The following ANAPC1 variants were observed in gnomAD, a reference collection of about 807,000 sequenced individuals.
The protein encoded by ANAPC1 is anaphase promoting complex subunit 1.
ANAPC1 carries 36 observed loss-of-function variants against 208.0 expected under a neutral mutation model. That is an observed-to-expected ratio of 0.17 (90% CI 0.13 to 0.23). The LOEUF (loss-of-function observed/expected upper bound fraction) is 0.23. ANAPC1 is among the 10% of genes least tolerant of loss of function. The pLI is 1.00. For synonymous variants in ANAPC1, 378 were observed against 695.2 expected (o/e 0.54, Z 7.18); for missense variants, 942 against 2,011.6 (o/e 0.47, Z 10.17).
chr2:111,782,392 T>C lies in ANAPC1; in HGVS notation c.5179A>G (p.Asn1727Asp). Residue 1727 changes from asparagine to aspartate, a missense_variant, in exon 43 of 48, where the codon AAC (asparagine) becomes GAC (aspartate). Physicochemically the swap from Asn to Asp is conservative, Grantham distance 23 (BLOSUM62 1). Transcript: ENST00000341068. ...SLLAQTVANR[N>D]SEARAFKPET... is the part of the protein sequence containing the mutation. ...ACCTTGAAAGCCCGGGCTTCAGAGT[T>C]CCTGTTAGCAACAGTCTGAGCCAAC... 1 of 1,613,132 alleles carries C rather than the reference T, an allele frequency of 6.2e-7. No individual in the cohort carries two copies. Among genetic ancestry groups the C allele is most frequent in the Non-Finnish European group, 8.5e-7 (1 of 1,179,458 alleles).
chr2:111,783,385 G>A (rs1291976692), intron 42 of ANAPC1, among the ~76,000 whole-genome samples: 1 of 152,124 alleles, frequency 6.6e-6, no homozygotes, highest in African/African-American at 2.4e-5. Flanking sequence ...CACGAGATCT[G>A]ATGGTTTAAA....
At position 111,825,806 on chromosome 2, in the gene ANAPC1, G is replaced by C. The variant is rs754625369; in HGVS notation, c.2675C>G (p.Ser892Cys). Residue 892 changes from serine (S) to cysteine (C), a missense_variant, in exon 22 of 48, where the codon TCC (serine) becomes TGC (cysteine). By Grantham distance (112) the Ser-to-Cys change is moderately radical (BLOSUM62 -1). Coordinates refer to ENST00000341068, the MANE Select transcript of ANAPC1 (RefSeq NM_022662.4). ...LGDESLVSDE[S>C]SQYLTRITIA... ...AGTTATTCTGGTTAAATACTGTGAG[G>C]ATTCATCAGAAACCAAGCTCTCATC... 1.2e-6 allele frequency: 2 copies of C among 1,613,664 alleles called. No homozygotes were observed. The highest frequency in any genetic ancestry group is 1.7e-6 in the Non-Finnish European group (2 of 1,179,678).
At chr2:111,833,154 A>T in intron 20 of ANAPC1, 66 bp downstream of exon 20, 1 of 1,521,608 alleles carries the variant, frequency 6.6e-7, no homozygotes, top group Non-Finnish European at 8.9e-7. Flanking sequence ...TCTGCTATTC[A>T]ATGAGAAAGA....
chr2:111,766,309 A>G (rs571210517), downstream of ANAPC1: 5 of 152,526 alleles, frequency 3.3e-5, no homozygotes, highest in African/African-American at 1.2e-4. Flanking sequence ...AGAAGCAACC[A>G]ATCTATTTCA....
intron 39 of ANAPC1, among the ~76,000 whole-genome samples, chr2:111,786,693 G>A (rs1677573062): frequency 1.1e-5 from 1 of 91,474 alleles, no homozygotes; most frequent in Non-Finnish European, 2.2e-5. Context: ...GTGAGACTCT[G>A]TCTCAAAAAA....
intron 25 of ANAPC1, chr2:111,821,842 A>C (rs1010392939): frequency 3.8e-6 from 1 of 262,968 alleles, no homozygotes; most frequent in African/African-American, 2.2e-5. Flanking sequence ...GAAAAAAAAA[A>C]CAGACTTGAT....
At chr2:111,839,443 T>C (rs1573435841) in intron 17 of ANAPC1, among the ~76,000 whole-genome samples, 1 of 152,328 alleles carries the variant, frequency 6.6e-6, no homozygotes, top group East Asian at 1.9e-4. Flanking sequence ...CACATGGGCA[T>C]TGACCATCAA....
intron 15 of ANAPC1, 114 bp from the exon 16 acceptor site, chr2:111,847,312 A>T: frequency 1.5e-6 from 1 of 659,158 alleles, no homozygotes; most frequent in Admixed American, 3.5e-5. Context: ...TAAATGAAAA[A>T]CAATTTTCAA....
At chr2:111,866,276 T>A in intron 7 of ANAPC1, 1 of 378,658 alleles carries the variant, frequency 2.6e-6, no homozygotes, top group Admixed American at 2.9e-5. Flanking sequence ...GTGAAGCGAG[T>A]GTCTTCAATG....
At position 111,803,976 on chromosome 2, in the gene ANAPC1, A is replaced by ATAT. The variant is rs1678556622; in HGVS notation, c.3925-138_3925-137insATA. 6 of 548,368 alleles carry ATAT rather than the reference A, an allele frequency of 1.1e-5. No individual in the cohort carries two copies. The South Asian group carries it at 1.3e-4, about 12-fold the overall frequency. The allele number at this position is 548,368 out of a possible 1,614,324, so 34.0% of individuals were successfully genotyped here. A position where few individuals can be genotyped will look rare whatever the true frequency, so the allele number is the denominator to read the frequency against. ...TTTTGTTTTTTTTATTTCCAATTTA[A>ATAT]AGCAAACATTAATCATGAGTTAATA... On this transcript the variant is annotated intron_variant, in intron 30 of 47. Coordinates refer to ENST00000341068, the MANE Select transcript of ANAPC1 (RefSeq NM_022662.4).
intron 19 of ANAPC1, 55 bp from the exon 20 acceptor site, chr2:111,833,366 G>C: frequency 6.7e-7 from 1 of 1,501,274 alleles, no homozygotes; most frequent in Non-Finnish European, 9.0e-7. Flanking sequence ...TCTCCCAACA[G>C]AATTGGAAGG....
At chr2:111,876,238 AAAG>A (rs1375180352) in intron 3 of ANAPC1, among the ~76,000 whole-genome samples, 1 of 149,722 alleles carries the variant, frequency 6.7e-6, no homozygotes, top group East Asian at 2.0e-4. Context: ...TAAAAAACAA[AAAG>A]AATAAATGAA....
intron 39 of ANAPC1, among the ~76,000 whole-genome samples, chr2:111,787,549 G>A (rs1351309300): frequency 2.0e-5 from 3 of 152,198 alleles, no homozygotes; most frequent in Admixed American, 2.0e-4. Context: ...AACATGGGAT[G>A]CCTTAAGTTG....
At chr2:111,766,258 CTTTT>C (rs1324369017), downstream of ANAPC1, 5 of 152,084 alleles carry the variant, frequency 3.3e-5, no homozygotes, top group Non-Finnish European at 7.3e-5. Flanking sequence ...GCTGTAGAGG[CTTTT>C]TATTTAAATT....
chr2:111,837,909 AC>A (rs1485201488), intron 18 of ANAPC1, among the ~76,000 whole-genome samples: 1 of 151,834 alleles, frequency 6.6e-6, no homozygotes, highest in African/African-American at 2.4e-5. Context: ...ACATGGTGAA[AC>A]CCTGTCTCCA....
intron 18 of ANAPC1, among the ~76,000 whole-genome samples, chr2:111,835,167 T>C (rs1169023601): frequency 2.0e-5 from 3 of 152,014 alleles, no homozygotes; most frequent in Non-Finnish European, 2.9e-5. Flanking sequence ...AGAGAGAAAA[T>C]TTAAGATTAT....
Position 111,850,527 on chromosome 2 carries a change from C to T in ANAPC1, c.1650+249G>A, listed in dbSNP as rs1166303102. On this transcript the variant is annotated intron_variant, in intron 14 of 47. Transcript: ENST00000341068. ...ATTCTAATTTCTTATGCAGACAGTA[C>T]ATCAACTCCACACAATTGTGAGATC... Among the ~76,000 whole-genome samples, 3 of 151,166 alleles carry T rather than the reference C, an allele frequency of 2.0e-5. No homozygotes were observed. The East Asian group carries it at 5.8e-4, about 29-fold the overall frequency.
At chr2:111,838,891 T>C (rs1378175128) in intron 17 of ANAPC1, among the ~76,000 whole-genome samples, 2 of 152,164 alleles carry the variant, frequency 1.3e-5, no homozygotes, top group African/African-American at 2.4e-5. Context: ...AGTCAAATGT[T>C]AGAACTAAGC....
At chr2:111,868,699 TTTTTTG>T (rs1259557192) in intron 6 of ANAPC1, among the ~76,000 whole-genome samples, 2 of 151,916 alleles carry the variant, frequency 1.3e-5, no homozygotes, top group African/African-American at 2.4e-5. Context: ...CCCAGCTAGT[TTTTTTG>T]TATTTTTAGT....
Sources: allele counts gnomAD v4.1 joint callset (sites outside exome capture counted in the v4.1 genomes callset), GRCh38; gene constraint gnomAD v4.1.1; transcripts MANE v1.5; gene names NCBI Gene and HGNC (gene_info 2026-07-23, HGNC 2026-07-21).